Variants in LRRC28 observed in about 807,000 individuals in gnomAD.
LRRC28 encodes leucine rich repeat containing 28.
LRRC28 carries 39 observed loss-of-function variants against 45.7 expected under a neutral mutation model. That is an observed-to-expected ratio of 0.85 (90% CI 0.66 to 1.12). The LOEUF (loss-of-function observed/expected upper bound fraction) is 1.12, where lower values mean the gene tolerates loss of function less well. LRRC28 is among the 50% of genes most tolerant of loss of function. The pLI, the probability that LRRC28 is intolerant of heterozygous loss-of-function variation, is 0.00. For missense variants in LRRC28, 435 were observed against 438.5 expected, an observed-to-expected ratio of 0.99 and a Z score of 0.07; for synonymous variants, 206 against 178.8, an observed-to-expected ratio of 1.15 and a Z score of -1.22.
chr15:99,363,939 T>C (rs536883548), intron 9 of LRRC28, among the ~76,000 whole-genome samples: 57 of 152,350 alleles, frequency 3.7e-4, no homozygotes, highest in Non-Finnish European at 3.1e-4. Flanking sequence ...TAAGTTTGAA[T>C]TTTTTAAGTA....
At chr15:99,284,679 G>A (rs1409182462) in intron 3 of LRRC28, 1 of 514,996 alleles carries the variant, frequency 1.9e-6, no homozygotes, top group Admixed American at 1.9e-5. Context: ...TAGCCACTTT[G>A]GTTTCATGGT....
intron 2 of LRRC28, chr15:99,259,076 T>C: frequency 9.4e-7 from 1 of 1,062,262 alleles, no homozygotes; most frequent in East Asian, 2.4e-5. Flanking sequence ...TTGGAAAGAA[T>C]TTGGTACCAA....
intron 6 of LRRC28, among the ~76,000 whole-genome samples, chr15:99,342,557 C>T (rs1032324293): frequency 2.0e-5 from 3 of 152,170 alleles, no homozygotes; most frequent in East Asian, 1.9e-4. Flanking sequence ...CATAAGTATA[C>T]AGTCAATATG....
intron 6 of LRRC28, among the ~76,000 whole-genome samples, chr15:99,350,487 C>CA (rs1272411184): frequency 1.3e-5 from 2 of 152,228 alleles, no homozygotes; most frequent in Non-Finnish European, 2.9e-5. Context: ...AAAAGACCTT[C>CA]AACCAGCCTC....
intron 5 of LRRC28, among the ~76,000 whole-genome samples, chr15:99,319,960 G>A (rs192762809): frequency 9.6e-4 from 146 of 151,864 alleles, no homozygotes; most frequent in African/African-American, 3.3e-3. Context: ...CCGCCACCAC[G>A]CCCAGCTAAT....
At chr15:99,352,316 C>T (rs1446685780) in intron 6 of LRRC28, 53 bp from the exon 7 acceptor site, 2 of 1,165,944 alleles carry the variant, frequency 1.7e-6, no homozygotes, top group Non-Finnish European at 2.5e-6. Context: ...TTATATTTCA[C>T]ATTATAATGG....
intron 2 of LRRC28, among the ~76,000 whole-genome samples, chr15:99,273,881 C>A (rs2081549367): frequency 6.6e-6 from 1 of 152,202 alleles, no homozygotes; most frequent in South Asian, 2.1e-4. Context: ...TTGGACAAAT[C>A]TTTCCTTTTT....
chr15:99,305,596 A>G (rs1325407364), intron 5 of LRRC28, among the ~76,000 whole-genome samples: 1 of 152,226 alleles, frequency 6.6e-6, no homozygotes, highest in Non-Finnish European at 1.5e-5. Context: ...TTAGCTTTCC[A>G]TAAAATATCA....
At chr15:99,257,353 C>A (rs556524204) in intron 2 of LRRC28, among the ~76,000 whole-genome samples, 1 of 152,080 alleles carries the variant, frequency 6.6e-6, no homozygotes, top group Admixed American at 6.5e-5. Context: ...AACCCTTTAA[C>A]GAGAAGTGGT....
intron 9 of LRRC28, among the ~76,000 whole-genome samples, chr15:99,379,961 CTA>C (rs1957767046): frequency 6.6e-6 from 1 of 152,182 alleles, no homozygotes; most frequent in African/African-American, 2.4e-5. Context: ...TTACTTCCAA[CTA>C]TGTGGTCAAT....
intron 9 of LRRC28, among the ~76,000 whole-genome samples, chr15:99,385,761 CTTAG>C (rs1957966465): frequency 8.2e-6 from 1 of 121,794 alleles, no homozygotes; most frequent in African/African-American, 3.1e-5. Context: ...TTTTTTTTTT[CTTAG>C]TTTCTACTTT....
intron 5 of LRRC28, among the ~76,000 whole-genome samples, chr15:99,320,194 A>G (rs952540846): frequency 6.6e-6 from 1 of 152,200 alleles, no homozygotes; most frequent in Non-Finnish European, 1.5e-5. Flanking sequence ...TTAATTGCTA[A>G]TATAATTTTT....
intron 2 of LRRC28, among the ~76,000 whole-genome samples, chr15:99,272,931 T>A (rs1316516791): frequency 1.3e-5 from 2 of 152,192 alleles, no homozygotes; most frequent in East Asian, 3.8e-4. Flanking sequence ...GTAAATCCTA[T>A]GGATTAGGAT....
chr15:99,256,169 G>A (rs1324761676), intron 2 of LRRC28, 44 bp downstream of exon 2: 4 of 1,505,894 alleles, frequency 2.7e-6, no homozygotes, highest in African/African-American at 1.4e-5. Context: ...TTATACATGT[G>A]GTCCTGATCA....
intron 5 of LRRC28, among the ~76,000 whole-genome samples, chr15:99,288,293 A>G (rs1014819061): frequency 2.0e-5 from 3 of 151,856 alleles, no homozygotes; most frequent in Non-Finnish European, 2.9e-5. Context: ...GCGTGATATA[A>G]TCATTTTACT....
intron 2 of LRRC28, among the ~76,000 whole-genome samples, chr15:99,268,750 T>C (rs12439857): frequency 6.7e-4 from 102 of 152,354 alleles, no homozygotes; most frequent in Admixed American, 1.4e-3. Context: ...TCTGGCTTAA[T>C]GGGAATGTGT....
At chr15:99,289,939 C>CAAAAAAAAAAA (rs398028517) in intron 5 of LRRC28, among the ~76,000 whole-genome samples, 156 of 49,670 alleles carry the variant, frequency 3.1e-3, no homozygotes, top group Admixed American at 5.2e-3. Context: ...GACTCCGTCT[C>CAAAAAAAAAAA]AAAAAAAAAA....
intron 6 of LRRC28, among the ~76,000 whole-genome samples, chr15:99,347,268 G>C (rs1956716765): frequency 6.6e-6 from 1 of 151,610 alleles, no homozygotes; most frequent in Non-Finnish European, 1.5e-5. Flanking sequence ...GGAGTGCAGT[G>C]GTGCTATCTC....
chr15:99,357,035 A>G (rs1478666843), intron 7 of LRRC28, among the ~76,000 whole-genome samples: 1 of 152,218 alleles, frequency 6.6e-6, no homozygotes, highest in Non-Finnish European at 1.5e-5. Context: ...GTTTCTTTCC[A>G]TCTCCATATC....
Sources: gnomAD v4.1 joint callset for allele counts (sites outside exome capture counted in the v4.1 genomes callset) on GRCh38, gnomAD v4.1.1 for gene constraint, MANE v1.5 for transcripts, NCBI Gene and HGNC (gene_info 2026-07-23, HGNC 2026-07-21) for gene names.